TNRC6B: variants seen among roughly 807,000 people sequenced by gnomAD.
The protein encoded by TNRC6B is trinucleotide repeat-containing gene 6B protein.
Under a neutral mutation model 203.6 loss-of-function variants are expected in TNRC6B, and 52 were observed. That is an observed-to-expected ratio of 0.26 (90% CI 0.20 to 0.32). TNRC6B has a LOEUF of 0.32. Among genes scored for constraint, TNRC6B ranks in the 10% least tolerant of loss-of-function variants. TNRC6B has a pLI of 1.00. For missense variants in TNRC6B, 1,923 were observed against 2,286.2 expected, an observed-to-expected ratio of 0.84 and a Z score of 3.24; for synonymous variants, 838 against 845.7, an observed-to-expected ratio of 0.99 and a Z score of 0.16.
chr22:40,070,778 T>A (rs2067939714), intron 1 of TNRC6B, among the ~76,000 whole-genome samples: 1 of 149,850 alleles, frequency 6.7e-6, no homozygotes, highest in South Asian at 2.1e-4. Context: ...TAGCTCAGAT[T>A]TTTTTTTTTT....
intron 1 of TNRC6B, among the ~76,000 whole-genome samples, chr22:40,194,133 A>G (rs929645826): frequency 6.6e-6 from 1 of 152,212 alleles, no homozygotes; most frequent in African/African-American, 2.4e-5. Context: ...GTTGAGAATA[A>G]AAGAACCAGG....
chr22:40,052,986 A>G (rs2067762736), intron 1 of TNRC6B, among the ~76,000 whole-genome samples: 1 of 152,156 alleles, frequency 6.6e-6, no homozygotes, highest in Non-Finnish European at 1.5e-5. Context: ...ATCATGAATT[A>G]CGAAGGTGTA....
At position 40,322,942 on chromosome 22, in the gene TNRC6B, C is replaced by A; in HGVS notation, c.5203C>A (p.Pro1735Thr). ...TCTGGCACAAGCTCAGCCCCCTACA[C>A]CTGCAGCAACCCCAAGTGCGCCAGC... ...RFLAQAQPPT[P>T]AATPSAPAAG... The change falls in exon 23 of 23, where the codon CCT becomes ACT. Residue 1735 changes from proline to threonine, a missense_variant. This residue lies in a region of TNRC6B where 126 missense variants were observed against 137.5 expected (regional missense o/e 0.92). Coordinates refer to ENST00000454349, the MANE Select transcript of TNRC6B (RefSeq NM_001162501.2). 6.2e-7 allele frequency: 1 copy of A among 1,613,716 alleles called. No homozygotes were observed. The highest frequency in any genetic ancestry group is 1.1e-5 in the South Asian group (1 of 91,010).
chr22:40,051,474 C>G (rs563901688), intron 1 of TNRC6B, among the ~76,000 whole-genome samples: 8 of 152,340 alleles, frequency 5.3e-5, no homozygotes, highest in Non-Finnish European at 8.8e-5. Flanking sequence ...CCAGCTGAGC[C>G]TACTTACCCT....
intron 1 of TNRC6B, among the ~76,000 whole-genome samples, chr22:40,091,418 A>C (rs1008104847): frequency 5.9e-5 from 9 of 152,134 alleles, no homozygotes; most frequent in African/African-American, 2.2e-4. Flanking sequence ...ACAGTTGGAA[A>C]AATCCAGATT....
In TNRC6B at chr22:40,251,400, G is replaced by A. The variant is rs181657344; in HGVS notation, c.115+200G>A. ...TTTCTAGTTGGCCTTAAATTTTTTAGGAGTCAAAAGAGTAAATACCTTGTT... is the reference window on the plus strand; with the variant it reads ...TTTCTAGTTGGCCTTAAATTTTTTAAGAGTCAAAAGAGTAAATACCTTGTT... On this transcript the variant is annotated intron_variant, in intron 3 of 22. Coordinates refer to ENST00000454349, the MANE Select transcript of TNRC6B (RefSeq NM_001162501.2). 3.9e-5 allele frequency among the ~76,000 whole-genome samples: 6 copies of A among 152,204 alleles called. No homozygotes were observed. In the East Asian group the frequency reaches 1.2e-3, roughly 29 times the overall value.
At chr22:40,214,548 G>GTTT (rs1218104004) in intron 1 of TNRC6B, among the ~76,000 whole-genome samples, 1 of 75,050 alleles carries the variant, frequency 1.3e-5, no homozygotes, top group Non-Finnish European at 2.3e-5. Flanking sequence ...TTCTTTCTGT[G>GTTT]GTTTTTTTTT....
At position 40,070,156 on chromosome 22, in the gene TNRC6B, T is replaced by A. The variant is rs184011283; in HGVS notation, c.-121+25158T>A. 1.2e-3 allele frequency among the ~76,000 whole-genome samples: 186 copies of A among 152,326 alleles called. 2 individuals are homozygous for A. Among genetic ancestry groups the A allele is most frequent in the African/African-American group, 4.0e-3 (167 of 41,566 alleles). On this transcript the variant is annotated intron_variant, in intron 1 of 23. Coordinates refer to the TNRC6B transcript ENST00000301923. ...AGTTTTTTTCTCTAAGAGAGACATT[T>A]GAGTTTTGCGTGTTCCGTGTGCCTT... is the stretch of plus-strand genomic sequence containing the variant.
intron 15 of TNRC6B, among the ~76,000 whole-genome samples, chr22:40,302,895 T>A (rs2071041933): frequency 6.6e-6 from 1 of 152,132 alleles, no homozygotes. Context: ...AAATTCGAAA[T>A]AACTTTTCTT....
chr22:40,209,186 C>T (rs1245288227), intron 1 of TNRC6B, among the ~76,000 whole-genome samples: 2 of 152,166 alleles, frequency 1.3e-5, no homozygotes, highest in Non-Finnish European at 2.9e-5. Flanking sequence ...AATGATAAGA[C>T]TTCAAAATGT....
chr22:40,194,643 G>C (rs1413218228), intron 1 of TNRC6B, among the ~76,000 whole-genome samples: 1 of 152,198 alleles, frequency 6.6e-6, no homozygotes, highest in Admixed American at 6.5e-5. Flanking sequence ...ATGCTTGAAT[G>C]TCCTTTAATA....
rs1203619988 is a variant in TNRC6B at position 40,127,792 on chromosome 22, C to T, written c.45+1930C>T. On this transcript the variant is annotated intron_variant, in intron 3 of 23. Transcript: ENST00000301923. ...GGCTGAGGTAGGAGGATCATTTGTACCCAGGGCTGTTGACGCTGCAGTGAG... is the reference window on the plus strand; with the variant it reads ...GGCTGAGGTAGGAGGATCATTTGTATCCAGGGCTGTTGACGCTGCAGTGAG... Among the ~76,000 whole-genome samples the T allele has an allele frequency of 2.0e-5, 3 of 152,078 alleles. No homozygotes were observed. In the East Asian group the frequency reaches 5.8e-4, roughly 29 times the overall value.
intron 1 of TNRC6B, among the ~76,000 whole-genome samples, chr22:40,231,440 T>C (rs938098152): frequency 6.6e-6 from 1 of 152,224 alleles, no homozygotes; most frequent in African/African-American, 2.4e-5. Flanking sequence ...TTTTGTAGTT[T>C]TCAGTGTACA....
At chr22:40,081,218 A>G (rs143970816) in intron 1 of TNRC6B, among the ~76,000 whole-genome samples, 1 of 151,544 alleles carries the variant, frequency 6.6e-6, no homozygotes, top group African/African-American at 2.4e-5. Flanking sequence ...GCCCTAGCCC[A>G]GTGTTATTCA....
intron 15 of TNRC6B, among the ~76,000 whole-genome samples, chr22:40,307,547 A>G (rs959054336): frequency 2.6e-5 from 4 of 151,950 alleles, no homozygotes; most frequent in African/African-American, 9.7e-5. Flanking sequence ...CAAATGGATG[A>G]CGGACCCTGT....
Position 40,301,290 on chromosome 22 carries a change from C to A in TNRC6B, c.4077C>A (p.Leu1359=). The A allele has an allele frequency of 6.2e-7, 1 of 1,602,736 alleles. No homozygotes were observed. The highest frequency in any genetic ancestry group is 8.5e-7 in the Non-Finnish European group (1 of 1,174,028). The change falls in exon 15 of 23, where the codon CTC becomes CTA. Residue 1359 remains leucine, a synonymous_variant. Coordinates refer to ENST00000454349, the MANE Select transcript of TNRC6B (RefSeq NM_001162501.2). ...TACCCAACGCATTGAATGTGGGGCTCCCAGACCTTCAAACCAAAGGGCCAA... is the reference window on the plus strand; with the variant it reads ...TACCCAACGCATTGAATGTGGGGCTACCAGACCTTCAAACCAAAGGGCCAA... ...NMVPNALNVG[L]PDLQTKGPIP...
At chr22:40,045,258 C>G (rs1472275515) in intron 1 of TNRC6B, among the ~76,000 whole-genome samples, 4 of 144,144 alleles carry the variant, frequency 2.8e-5, no homozygotes, top group Admixed American at 6.8e-5. Context: ...CGGGCGCCGC[C>G]GAGATTTGAG....
chr22:40,270,048 C>T, intron 5 of TNRC6B, 74 bp from the exon 6 acceptor site: 1 of 1,465,602 alleles, frequency 6.8e-7, no homozygotes, highest in Non-Finnish European at 9.2e-7. Flanking sequence ...CCTGTTCCTT[C>T]CACCTTCACC....
At chr22:40,314,386 T>G (rs2071228771) in intron 19 of TNRC6B, among the ~76,000 whole-genome samples, 1 of 152,220 alleles carries the variant, frequency 6.6e-6, no homozygotes, top group Admixed American at 6.5e-5. Context: ...TCCATTCTAT[T>G]TACTATCACA....
Sources: gnomAD v4.1 joint callset for allele counts (sites outside exome capture counted in the v4.1 genomes callset) on GRCh38, gnomAD v4.1.1 for gene constraint, gnomAD v4.1.1 regional missense constraint, MANE v1.5 for transcripts, NCBI Gene and HGNC (gene_info 2026-07-23, HGNC 2026-07-21) for gene names.